HIVEP1: variants seen among roughly 807,000 people sequenced by gnomAD.
HIVEP1 encodes zinc finger protein 40.
A neutral mutation model predicts 180.0 loss-of-function variants in HIVEP1; 36 were observed. The observed-to-expected ratio is 0.20, with a 90% confidence interval of 0.15 to 0.26. The LOEUF (loss-of-function observed/expected upper bound fraction) is 0.26, where lower values mean the gene tolerates loss of function less well. Among genes scored for constraint, HIVEP1 ranks in the 10% least tolerant of loss-of-function variants. HIVEP1 has a pLI of 1.00. For synonymous variants in HIVEP1, 1,239 were observed against 1,239.0 expected, an observed-to-expected ratio of 1.00 and a Z score of 0.00; for missense variants, 3,143 against 3,268.7, an observed-to-expected ratio of 0.96 and a Z score of 0.94.
chr6:12,078,969 C>G (rs1040391870), intron 2 of HIVEP1, among the ~76,000 whole-genome samples: 3 of 152,062 alleles, frequency 2.0e-5, no homozygotes, highest in African/African-American at 7.2e-5. Context: ...TGTGTGAATC[C>G]ATACTGGATT....
chr6:12,126,595 G>A (rs868129517), intron 4 of HIVEP1, among the ~76,000 whole-genome samples: 19 of 152,162 alleles, frequency 1.2e-4, no homozygotes, highest in Admixed American at 4.6e-4. Flanking sequence ...TATCACGTTC[G>A]ACTCTGCATA....
intron 2 of HIVEP1, among the ~76,000 whole-genome samples, chr6:12,044,359 A>G (rs1769975512): frequency 6.6e-6 from 1 of 152,202 alleles, no homozygotes. Context: ...AAACAATAAT[A>G]TTTTCAGTTG....
intron 2 of HIVEP1, among the ~76,000 whole-genome samples, chr6:12,017,871 A>C (rs188159469): frequency 0.011 from 1,649 of 152,344 alleles, 17 homozygotes; most frequent in Non-Finnish European, 0.018. Context: ...GGCTTCACCC[A>C]GTGGATCCCG....
At position 12,121,617 on chromosome 6, in the gene HIVEP1, A is replaced by T. The variant is rs1047092304; in HGVS notation, c.1822A>T (p.Met608Leu). The T allele has an allele frequency of 5.0e-6, 8 of 1,614,030 alleles. No homozygotes were observed. The highest frequency in any genetic ancestry group is 5.1e-6 in the Non-Finnish European group (6 of 1,180,042). ...VTNVQPLSAN[M>L]SQGGVSRLET... ...AAACGTACAGCCACTTTCAGCCAAC[A>T]TGTCCCAGGGTGGAGTCTCCAGGTT... is the stretch of plus-strand genomic sequence containing the variant. The change falls in exon 4 of 9, where the codon ATG becomes TTG. Residue 608 changes from methionine (M) to leucine (L), a missense_variant. Physicochemically the swap from Met to Leu is conservative, Grantham distance 15 (BLOSUM62 2). Transcript: ENST00000379388. The surrounding 1 kb of genome is among the most constrained non-coding windows in gnomAD (Gnocchi z 5.3).
chr6:12,169,016 T>C (rs1183104635), downstream of HIVEP1, among the ~76,000 whole-genome samples: 2 of 152,086 alleles, frequency 1.3e-5, no homozygotes, highest in Non-Finnish European at 2.9e-5. Flanking sequence ...ACCACCCGAA[T>C]AGCTGGAATT....
intron 2 of HIVEP1, among the ~76,000 whole-genome samples, chr6:12,042,094 A>G (rs1379810106): frequency 7.8e-6 from 1 of 128,328 alleles, no homozygotes; most frequent in Non-Finnish European, 1.6e-5. Context: ...TTTTTTTGAG[A>G]CGGAGTCTCG....
At chr6:12,078,288 T>C (rs1447524714) in intron 2 of HIVEP1, among the ~76,000 whole-genome samples, 1 of 103,668 alleles carries the variant, frequency 9.6e-6, no homozygotes, top group African/African-American at 3.8e-5. Flanking sequence ...GTGTTTCGTT[T>C]GACTTGGTCC....
At chr6:12,072,629 A>G (rs956863872) in intron 2 of HIVEP1, among the ~76,000 whole-genome samples, 8 of 152,036 alleles carry the variant, frequency 5.3e-5, no homozygotes, top group African/African-American at 1.9e-4. Context: ...ATATGATTCC[A>G]CAGTTTGTTC....
chr6:12,121,548 C>T lies in HIVEP1; in HGVS notation c.1753C>T (p.Pro585Ser). 6.2e-7 allele frequency: 1 copy of T among 1,614,136 alleles called. No individual in the cohort carries two copies. Among genetic ancestry groups the T allele is most frequent in the Non-Finnish European group, 8.5e-7 (1 of 1,180,026 alleles). ...CAGTCCAAAGGCCATGGATCCCAAG[C>T]CTGAACTTTCTAGTGCACAAAAGCA... ...TDSPKAMDPK[P>S]ELSSAQKQKD... Residue 585 changes from proline to serine, a missense_variant, in exon 4 of 9, where the codon CCT (proline) becomes TCT (serine). Pro to Ser is a moderately conservative substitution (Grantham distance 74). This residue lies in a region of HIVEP1 where 365 missense variants were observed against 344.4 expected (regional missense o/e 1.06). Transcript: ENST00000379388. This position sits in a 1 kb window ranked among gnomAD's most constrained non-coding sequence, Gnocchi z 5.3.
chr6:12,088,259 A>G (rs1211869479), intron 2 of HIVEP1, among the ~76,000 whole-genome samples: 1 of 152,060 alleles, frequency 6.6e-6, no homozygotes, highest in Non-Finnish European at 1.5e-5. Context: ...TGATGCGTTT[A>G]TTTAAATTGT....
At chr6:12,054,658 A>G (rs563115442) in intron 2 of HIVEP1, among the ~76,000 whole-genome samples, 2 of 152,284 alleles carry the variant, frequency 1.3e-5, no homozygotes, top group East Asian at 3.9e-4. Flanking sequence ...ACATGACTTC[A>G]CCATAATGAA....
At chr6:12,042,143 A>C (rs535125548) in intron 2 of HIVEP1, among the ~76,000 whole-genome samples, 1 of 143,770 alleles carries the variant, frequency 7.0e-6, no homozygotes, top group African/African-American at 2.6e-5. Flanking sequence ...GCAGTGGCGC[A>C]ATCTCGGCTC....
intron 2 of HIVEP1, among the ~76,000 whole-genome samples, chr6:12,041,662 G>A (rs1769733097): frequency 7.2e-6 from 1 of 139,124 alleles, no homozygotes; most frequent in Non-Finnish European, 1.6e-5. Flanking sequence ...CAAATTAATT[G>A]TTTGTTTGTT....
At chr6:12,016,145 G>T (rs1485757994) in intron 2 of HIVEP1, among the ~76,000 whole-genome samples, 1 of 152,204 alleles carries the variant, frequency 6.6e-6, no homozygotes, top group African/African-American at 2.4e-5. Flanking sequence ...ATTACTTGCA[G>T]AAGTCAGAGG....
At chr6:12,022,873 A>G (rs1409695336) in intron 2 of HIVEP1, among the ~76,000 whole-genome samples, 1 of 152,236 alleles carries the variant, frequency 6.6e-6, no homozygotes, top group Non-Finnish European at 1.5e-5. Context: ...GTCAGTGCAG[A>G]AAATAATTTG....
At chr6:12,087,788 A>C (rs1158667683) in intron 2 of HIVEP1, among the ~76,000 whole-genome samples, 4 of 152,158 alleles carry the variant, frequency 2.6e-5, no homozygotes, top group Non-Finnish European at 5.9e-5. Flanking sequence ...TTTCATGAGC[A>C]GTAACTAAAG....
At chr6:12,017,070 A>G (rs760378984) in intron 2 of HIVEP1, among the ~76,000 whole-genome samples, 38 of 152,336 alleles carry the variant, frequency 2.5e-4, no homozygotes, top group Non-Finnish European at 4.3e-4. Context: ...GGTGTTATTT[A>G]TTAGGCCATA....
At chr6:12,032,276 G>T (rs193168888) in intron 2 of HIVEP1, among the ~76,000 whole-genome samples, 2 of 151,476 alleles carry the variant, frequency 1.3e-5, no homozygotes, top group African/African-American at 4.9e-5. Context: ...AAGTAGCTGC[G>T]ACTACAAGAG....
At chr6:12,043,355 ATTT>A (rs1304144063) in intron 2 of HIVEP1, among the ~76,000 whole-genome samples, 5 of 109,896 alleles carry the variant, frequency 4.5e-5, no homozygotes, top group Non-Finnish European at 7.3e-5. Flanking sequence ...CTAAGTGAAA[ATTT>A]TTTTTTTTTT....
Sources: allele counts gnomAD v4.1 joint callset (sites outside exome capture counted in the v4.1 genomes callset), GRCh38; gene constraint gnomAD v4.1.1; regional missense constraint gnomAD v4.1.1; non-coding constraint Gnocchi (gnomAD v3.1); transcripts MANE v1.5; gene names NCBI Gene and HGNC (gene_info 2026-07-23, HGNC 2026-07-21).